ARMH3: variants seen among roughly 807,000 people sequenced by gnomAD.
ARMH3 encodes armadillo like helical domain containing 3.
ARMH3 carries 60 observed loss-of-function variants against 99.1 expected under a neutral mutation model. That is an observed-to-expected ratio of 0.61 (90% CI 0.49 to 0.75). The LOEUF is 0.75. ARMH3 is among the 30% of genes least tolerant of loss of function. The pLI, the probability that ARMH3 is intolerant of heterozygous loss-of-function variation, is 0.00. For synonymous variants in ARMH3, 285 were observed against 292.8 expected, an observed-to-expected ratio of 0.97 and a Z score of 0.27; for missense variants, 679 against 843.1, an observed-to-expected ratio of 0.81 and a Z score of 2.41.
At chr10:101,918,328 ACAGGCGTAAGC>A (rs1195776175) in intron 23 of ARMH3, among the ~76,000 whole-genome samples, 1 of 152,240 alleles carries the variant, frequency 6.6e-6, no homozygotes, top group Non-Finnish European at 1.5e-5. Flanking sequence ...TGCTGGGATT[ACAGGCGTAAGC>A]CACTGCGCCT....
intron 20 of ARMH3, among the ~76,000 whole-genome samples, chr10:101,968,956 GCTCT>G (rs766031262): frequency 8.5e-5 from 13 of 152,118 alleles, no homozygotes; most frequent in Non-Finnish European, 1.5e-4. Flanking sequence ...AGGAAAAGAG[GCTCT>G]CTATTTTTGC....
At chr10:101,918,902 T>C (rs1042052832) in intron 23 of ARMH3, among the ~76,000 whole-genome samples, 1 of 152,214 alleles carries the variant, frequency 6.6e-6, no homozygotes, top group Non-Finnish European at 1.5e-5. Context: ...AATCAAGTTA[T>C]AGTCCTGCAG....
intron 24 of ARMH3, among the ~76,000 whole-genome samples, chr10:101,876,470 T>G (rs1028173541): frequency 6.6e-6 from 1 of 152,174 alleles, no homozygotes; most frequent in Non-Finnish European, 1.5e-5. Context: ...ACCTCATTTA[T>G]CTATCCCTCC....
At chr10:101,904,724 C>A (rs917177277) in intron 23 of ARMH3, among the ~76,000 whole-genome samples, 1 of 151,624 alleles carries the variant, frequency 6.6e-6, no homozygotes. Flanking sequence ...GAGGCCGAGG[C>A]AGGCAGATTA....
intron 20 of ARMH3, among the ~76,000 whole-genome samples, chr10:101,966,001 G>A (rs1288303799): frequency 6.6e-6 from 1 of 152,112 alleles, no homozygotes; most frequent in Non-Finnish European, 1.5e-5. Context: ...GTACAGGTTC[G>A]GGAAGCTGAG....
intron 24 of ARMH3, among the ~76,000 whole-genome samples, chr10:101,868,244 CAT>C (rs2067051139): frequency 6.6e-6 from 1 of 152,110 alleles, no homozygotes; most frequent in East Asian, 1.9e-4. Flanking sequence ...AGGAAGAAGA[CAT>C]AGAAGAAGCA....
At chr10:102,038,980 G>A (rs1033005942) in intron 2 of ARMH3, among the ~76,000 whole-genome samples, 2 of 151,596 alleles carry the variant, frequency 1.3e-5, no homozygotes, top group Non-Finnish European at 2.9e-5. Flanking sequence ...GGGCTCAAGA[G>A]ATCCACCCAC....
At chr10:101,991,715 T>A (rs1397592097) in intron 18 of ARMH3, among the ~76,000 whole-genome samples, 2 of 152,188 alleles carry the variant, frequency 1.3e-5, no homozygotes, top group Non-Finnish European at 2.9e-5. Flanking sequence ...AAATCATGTA[T>A]CAAGTTTAGA....
chr10:102,017,656 TA>T (rs1223379840), intron 8 of ARMH3, among the ~76,000 whole-genome samples: 1 of 152,210 alleles, frequency 6.6e-6, no homozygotes, highest in African/African-American at 2.4e-5. Flanking sequence ...CCCCAGAGGC[TA>T]TTACACATGA....
chr10:101,984,517 T>A (rs1846372079), intron 19 of ARMH3, among the ~76,000 whole-genome samples: 1 of 152,136 alleles, frequency 6.6e-6, no homozygotes, highest in East Asian at 1.9e-4. Context: ...ATGGCCTGGG[T>A]CTGGACGGCC....
At chr10:101,868,239 G>C (rs2067050848) in intron 24 of ARMH3, among the ~76,000 whole-genome samples, 1 of 152,150 alleles carries the variant, frequency 6.6e-6, no homozygotes, top group African/African-American at 2.4e-5. Flanking sequence ...ACAATAGGAA[G>C]AAGACATAGA....
At chr10:102,002,309 A>G (rs1013576688) in intron 14 of ARMH3, among the ~76,000 whole-genome samples, 1 of 152,114 alleles carries the variant, frequency 6.6e-6, no homozygotes, top group Non-Finnish European at 1.5e-5. Flanking sequence ...GCCAGTCTCC[A>G]AGAACGGTGC....
At chr10:101,925,238 T>C (rs191602117) in intron 23 of ARMH3, among the ~76,000 whole-genome samples, 52 of 152,312 alleles carry the variant, frequency 3.4e-4, no homozygotes, top group Admixed American at 1.4e-3. Flanking sequence ...GTCCATATCA[T>C]GCGTATAAAT....
chr10:101,850,097 T>C (rs1346916382), intron 24 of ARMH3, among the ~76,000 whole-genome samples: 1 of 91,580 alleles, frequency 1.1e-5, no homozygotes, highest in African/African-American at 3.0e-5. Context: ...TCTCTTTTTT[T>C]TTTTTTTTTT....
At chr10:102,020,449 G>A (rs1564855354) in intron 8 of ARMH3, among the ~76,000 whole-genome samples, 1 of 151,986 alleles carries the variant, frequency 6.6e-6, no homozygotes, top group Non-Finnish European at 1.5e-5. Flanking sequence ...GGCCGAGGCG[G>A]GTGGATCACG....
intron 20 of ARMH3, among the ~76,000 whole-genome samples, chr10:101,972,618 A>G (rs2135908274): frequency 6.6e-6 from 1 of 152,328 alleles, no homozygotes; most frequent in Non-Finnish European, 1.5e-5. Context: ...AGAATGCAAT[A>G]TTATACATGT....
intron 19 of ARMH3, among the ~76,000 whole-genome samples, chr10:101,978,888 C>T (rs1054103916): frequency 2.6e-5 from 4 of 151,798 alleles, no homozygotes; most frequent in Admixed American, 2.6e-4. Context: ...TGCAGTGAGC[C>T]AAGATGGCGC....
chr10:101,859,198 T>C (rs1051723902), intron 24 of ARMH3, among the ~76,000 whole-genome samples: 1 of 152,210 alleles, frequency 6.6e-6, no homozygotes, highest in Admixed American at 6.5e-5. Context: ...GGCAGCTAGA[T>C]TGAGATAGTG....
chr10:102,029,112 C>T (rs1161793974), intron 5 of ARMH3, among the ~76,000 whole-genome samples: 1 of 152,190 alleles, frequency 6.6e-6, no homozygotes, highest in Non-Finnish European at 1.5e-5. Flanking sequence ...TTAGCTCAAG[C>T]AATCCGCCTG....
Sources: allele counts gnomAD v4.1 joint callset (sites outside exome capture counted in the v4.1 genomes callset), GRCh38; gene constraint gnomAD v4.1.1; transcripts MANE v1.5; gene names NCBI Gene and HGNC (gene_info 2026-07-23, HGNC 2026-07-21).